The following RCAN2 variants were observed in gnomAD, a reference collection of about 807,000 sequenced individuals.
RCAN2 encodes the protein calcipressin-2.
RCAN2 carries 9 observed loss-of-function variants against 23.6 expected under a neutral mutation model. That is an observed-to-expected ratio of 0.38 (90% CI 0.23 to 0.67). The LOEUF (loss-of-function observed/expected upper bound fraction) is 0.67. RCAN2 is among the 30% of genes least tolerant of loss of function. The probability of loss-of-function intolerance (pLI) is 0.51; values close to 1 mark genes in which losing one functional copy is unlikely to be tolerated. For synonymous variants in RCAN2, 109 were observed against 115.7 expected (o/e 0.94, Z 0.37); for missense variants, 273 against 302.3 (o/e 0.90, Z 0.72).
At chr6:46,446,035 C>T (rs1330840766) in intron 2 of RCAN2, among the ~76,000 whole-genome samples, 1 of 151,618 alleles carries the variant, frequency 6.6e-6, no homozygotes, top group Non-Finnish European at 1.5e-5. Flanking sequence ...TTTTTCAAAT[C>T]TGGAAAAATA....
chr6:46,295,031 A>G (rs1368112559), intron 2 of RCAN2, among the ~76,000 whole-genome samples: 1 of 152,190 alleles, frequency 6.6e-6, no homozygotes, highest in Admixed American at 6.5e-5. Flanking sequence ...TGGCAGGAAC[A>G]TAGAAAAGAA....
At chr6:46,477,206 C>A (rs926618853) in intron 1 of RCAN2, among the ~76,000 whole-genome samples, 1 of 152,070 alleles carries the variant, frequency 6.6e-6, no homozygotes, top group African/African-American at 2.4e-5. Flanking sequence ...CTAAATGATA[C>A]ATGGACTCTG....
Position 46,223,090 on chromosome 6 carries a change from G to A in RCAN2, c.*51C>T, listed in dbSNP as rs980518402. ...AATTTTTTTTGACAAACAACAGGGG[G>A]AAAAAGCATGATAAAGAGGAGACGG... On this transcript the variant is annotated 3_prime_UTR_variant, in exon 5 of 5. Transcript: ENST00000371374. The A allele has an allele frequency of 5.7e-6, 9 of 1,590,434 alleles. No individual in the cohort carries two copies. The highest frequency in any genetic ancestry group is 7.7e-6 in the Non-Finnish European group (9 of 1,168,322).
rs569006154 is a variant in RCAN2, at chr6:46,345,417, G to A, written c.226-96521C>T. 3.3e-5 allele frequency among the ~76,000 whole-genome samples: 5 copies of A among 152,110 alleles called. No individual in the cohort carries two copies. The South Asian group carries it at 8.3e-4, about 25-fold the overall frequency. ...GACCTAATTGATAATTATAGAACAC[G>A]GTATCCAACAACTGCAGAACATACA... On this transcript the variant is annotated intron_variant, in intron 2 of 4. Coordinates refer to ENST00000371374, the MANE Select transcript of RCAN2 (RefSeq NM_001251974.2).
intron 2 of RCAN2, among the ~76,000 whole-genome samples, chr6:46,298,107 C>T (rs937619481): frequency 1.3e-5 from 2 of 152,066 alleles, no homozygotes; most frequent in South Asian, 2.1e-4. Context: ...TATTCTATTG[C>T]TTAGTGACAA....
At chr6:46,401,866 C>A (rs1031551825) in intron 2 of RCAN2, among the ~76,000 whole-genome samples, 17 of 152,054 alleles carry the variant, frequency 1.1e-4, no homozygotes, top group African/African-American at 4.1e-4. Flanking sequence ...ACTGGAATTC[C>A]CCAGACACAT....
intron 2 of RCAN2, among the ~76,000 whole-genome samples, chr6:46,332,544 G>A (rs1254640916): frequency 6.8e-6 from 1 of 146,726 alleles, no homozygotes; most frequent in Non-Finnish European, 1.5e-5. Context: ...CCACCTATGA[G>A]TGAGAATATG....
At chr6:46,303,700 T>C (rs942005074) in intron 2 of RCAN2, among the ~76,000 whole-genome samples, 1 of 152,258 alleles carries the variant, frequency 6.6e-6, no homozygotes, top group Non-Finnish European at 1.5e-5. Flanking sequence ...TCTGTCACTA[T>C]AGATTAGTTT....
intron 2 of RCAN2, among the ~76,000 whole-genome samples, chr6:46,445,087 G>T (rs972806658): frequency 2.6e-5 from 4 of 152,026 alleles, no homozygotes; most frequent in Non-Finnish European, 5.9e-5. Flanking sequence ...TAGAAACCAG[G>T]TCCATACCAG....
chr6:46,420,471 G>T (rs574032697), intron 2 of RCAN2, among the ~76,000 whole-genome samples: 36 of 151,956 alleles, frequency 2.4e-4, no homozygotes, highest in Middle Eastern at 6.9e-3. Flanking sequence ...GCAGGGTGTG[G>T]AATCAGCACT....
chr6:46,424,556 A>C (rs1766982374), intron 2 of RCAN2, among the ~76,000 whole-genome samples: 2 of 151,956 alleles, frequency 1.3e-5, no homozygotes, highest in Non-Finnish European at 2.9e-5. Flanking sequence ...CCTAGAATGC[A>C]CTGTTGTTTT....
intron 2 of RCAN2, among the ~76,000 whole-genome samples, chr6:46,362,697 A>C (rs1424653457): frequency 6.6e-6 from 1 of 152,212 alleles, no homozygotes; most frequent in African/African-American, 2.4e-5. Flanking sequence ...GGATGATGAC[A>C]CATGGACCCA....
rs114273554 is a variant in RCAN2, at chr6:46,402,737, A to G, written c.225+54015T>C. Among the ~76,000 whole-genome samples the G allele has an allele frequency of 9.6e-3, 1,468 of 152,284 alleles. 19 individuals are homozygous for G. The highest frequency in any genetic ancestry group is 0.033 in the African/African-American group (1,387 of 41,554). ...TAGAGTACACCCTTATTGTCCAAAC[A>G]TATTTCTACACAGCTGGCCATACTT... On this transcript the variant is annotated intron_variant, in intron 2 of 4. Coordinates refer to ENST00000371374, the MANE Select transcript of RCAN2 (RefSeq NM_001251974.2).
intron 2 of RCAN2, among the ~76,000 whole-genome samples, chr6:46,415,545 T>C (rs1386894162): frequency 6.6e-6 from 1 of 152,068 alleles, no homozygotes; most frequent in Non-Finnish European, 1.5e-5. Flanking sequence ...TGAGAACCAT[T>C]TGCATAAACA....
chr6:46,447,669 T>C (rs571412413), intron 2 of RCAN2, among the ~76,000 whole-genome samples: 2 of 151,860 alleles, frequency 1.3e-5, no homozygotes, highest in African/African-American at 4.8e-5. Context: ...CAGTAGTATA[T>C]AAAACTAGAG....
chr6:46,374,917 T>C (rs1055185493), intron 2 of RCAN2, among the ~76,000 whole-genome samples: 4 of 152,218 alleles, frequency 2.6e-5, no homozygotes, highest in African/African-American at 7.2e-5. Context: ...TATGTATTTA[T>C]TGTTTTTGAA....
At chr6:46,270,478 T>A (rs758854192) in intron 2 of RCAN2, among the ~76,000 whole-genome samples, 13 of 152,336 alleles carry the variant, frequency 8.5e-5, no homozygotes, top group Non-Finnish European at 1.5e-4. Context: ...AGAGTCAGAC[T>A]GAGCTTCTCG....
intron 2 of RCAN2, among the ~76,000 whole-genome samples, chr6:46,430,043 T>C (rs1767145236): frequency 6.6e-6 from 1 of 152,190 alleles, no homozygotes; most frequent in South Asian, 2.1e-4. Flanking sequence ...ACCTTCATCC[T>C]GAAAGGAATG....
chr6:46,336,372 A>G (rs1764143944), intron 2 of RCAN2, among the ~76,000 whole-genome samples: 1 of 152,202 alleles, frequency 6.6e-6, no homozygotes, highest in South Asian at 2.1e-4. Context: ...CTTATCTCTA[A>G]GGGGAAGATG....
Sources: allele counts gnomAD v4.1 joint callset (sites outside exome capture counted in the v4.1 genomes callset), GRCh38; gene constraint gnomAD v4.1.1; transcripts MANE v1.5; gene names NCBI Gene and HGNC (gene_info 2026-07-23, HGNC 2026-07-21).